PHF14: variants seen among roughly 807,000 people sequenced by gnomAD.
PHF14 encodes PHD finger protein 14.
In PHF14, 55 loss-of-function variants were observed where a neutral mutation model predicts 117.9. The observed-to-expected ratio is 0.47, with a 90% CI of 0.38 to 0.58. The LOEUF is 0.58. PHF14 is among the 20% of genes least tolerant of loss of function. PHF14 has a pLI of 0.00. For missense variants in PHF14, 978 were observed against 1,122.2 expected, an observed-to-expected ratio of 0.87 and a Z score of 1.84; for synonymous variants, 409 against 368.6, an observed-to-expected ratio of 1.11 and a Z score of -1.26.
intron 17 of PHF14, among the ~76,000 whole-genome samples, chr7:11,128,830 G>GT (rs1294966125): frequency 6.7e-6 from 1 of 150,176 alleles, no homozygotes; most frequent in Admixed American, 6.7e-5. Context: ...ATATCATCAG[G>GT]TTTTTTTTCT....
intron 3 of PHF14, among the ~76,000 whole-genome samples, chr7:10,987,342 T>C (rs1681312): frequency 0.35 from 53,172 of 151,946 alleles, 10,299 homozygotes; most frequent in Middle Eastern, 0.47. Context: ...ACAGGAAATG[T>C]GCTGGAATTT....
intron 17 of PHF14, among the ~76,000 whole-genome samples, chr7:11,131,194 C>G (rs907294864): frequency 3.3e-5 from 5 of 151,740 alleles, no homozygotes; most frequent in Admixed American, 2.0e-4. Flanking sequence ...CAGGAAATAC[C>G]AAGGAGTTCC....
intron 16 of PHF14, chr7:11,102,928 G>A (rs1392081475): frequency 1.9e-6 from 2 of 1,050,296 alleles, no homozygotes; most frequent in East Asian, 7.4e-5. Context: ...ACTGAAGCCT[G>A]TGGGACTTAA....
intron 16 of PHF14, among the ~76,000 whole-genome samples, chr7:11,074,507 G>A (rs1785753111): frequency 6.6e-6 from 1 of 152,116 alleles, no homozygotes; most frequent in Admixed American, 6.5e-5. Flanking sequence ...ACCGTGCCTG[G>A]CCCCGTTAGT....
rs1002818123 is a variant in PHF14 at position 11,025,560 on chromosome 7, G to C, written c.1317+2581G>C. Among the ~76,000 whole-genome samples, 6 of 152,256 alleles carry C rather than the reference G, an allele frequency of 3.9e-5. No homozygotes were observed. In the South Asian group the frequency reaches 1.2e-3, roughly 32 times the overall value. ...TGTAATCCCAGCACTTTGGGAGGCCGAGGTGGGTGGATCACGAGATCAGGA... is the reference window on the plus strand; with the variant it reads ...TGTAATCCCAGCACTTTGGGAGGCCCAGGTGGGTGGATCACGAGATCAGGA... On this transcript the variant is annotated intron_variant, in intron 6 of 17. Transcript: ENST00000634607.
intron 9 of PHF14, 50 bp downstream of exon 9, chr7:11,036,738 A>G: frequency 6.6e-7 from 1 of 1,517,014 alleles, no homozygotes; most frequent in Non-Finnish European, 9.0e-7. Context: ...ACAATTTGTT[A>G]ATGAAAATGT....
intron 16 of PHF14, among the ~76,000 whole-genome samples, chr7:11,084,156 T>G (rs566263835): frequency 6.6e-6 from 1 of 152,332 alleles, no homozygotes; most frequent in Admixed American, 6.5e-5. Flanking sequence ...ACTATTTGTT[T>G]AAAATAGAGT....
At position 10,974,962 on chromosome 7, in the gene PHF14, C is replaced by G. The variant is rs374488424; in HGVS notation, c.112+17C>G. ...ATGCCTCAGGTAAATATTTCCTTCTCTCTTCCCCTTTCCCAGCTTTCTGGA... is the reference window on the plus strand; with the variant it reads ...ATGCCTCAGGTAAATATTTCCTTCTGTCTTCCCCTTTCCCAGCTTTCTGGA... On this transcript the variant is annotated intron_variant, in intron 2 of 17. Transcript: ENST00000634607. The G allele has an allele frequency of 1.5e-5, 18 of 1,213,610 alleles. No individual in the cohort carries two copies. The highest frequency in any genetic ancestry group is 3.0e-5 in the African/African-American group (2 of 66,686). 75.2% of individuals were successfully genotyped at this position (1,213,610 alleles called of 1,614,324 possible). A position where few individuals can be genotyped will look rare whatever the true frequency, so the allele number is the denominator to read the frequency against.
At chr7:11,051,478 A>C (rs554563349) in intron 13 of PHF14, 134 bp from the exon 14 acceptor site, 2 of 653,184 alleles carry the variant, frequency 3.1e-6, no homozygotes. Flanking sequence ...TTCATTATGT[A>C]CCCTATAATC....
At chr7:10,993,687 G>A (rs1782537008) in intron 4 of PHF14, among the ~76,000 whole-genome samples, 1 of 152,132 alleles carries the variant, frequency 6.6e-6, no homozygotes, top group East Asian at 1.9e-4. Flanking sequence ...GGGTGGTTGG[G>A]TGAGTTGCAG....
At chr7:11,081,747 T>G (rs962808857) in intron 16 of PHF14, among the ~76,000 whole-genome samples, 2 of 151,928 alleles carry the variant, frequency 1.3e-5, no homozygotes, top group East Asian at 3.9e-4. Context: ...TCCCAGCTAC[T>G]TGGGAGGCTG....
chr7:11,017,938 T>C (rs1311664051), intron 5 of PHF14, among the ~76,000 whole-genome samples: 1 of 152,172 alleles, frequency 6.6e-6, no homozygotes, highest in African/African-American at 2.4e-5. Context: ...TTGATTTTTG[T>C]ATATGGCAAG....
At chr7:11,076,444 T>C (rs1197743719) in intron 16 of PHF14, among the ~76,000 whole-genome samples, 1 of 152,162 alleles carries the variant, frequency 6.6e-6, no homozygotes, top group Non-Finnish European at 1.5e-5. Flanking sequence ...TAAAATGTAC[T>C]GTCTGCTTTT....
At chr7:11,118,643 C>T (rs1583479894) in intron 17 of PHF14, among the ~76,000 whole-genome samples, 2 of 151,626 alleles carry the variant, frequency 1.3e-5, no homozygotes, top group African/African-American at 4.8e-5. Context: ...TTGTCCTAGA[C>T]GTGTTTTCTG....
chr7:11,051,786 T>A lies in PHF14; in HGVS notation c.2481+6T>A. 5 of 1,611,178 alleles carry A rather than the reference T, an allele frequency of 3.1e-6. No individual in the cohort carries two copies. Among genetic ancestry groups the A allele is most frequent in the Non-Finnish European group, 4.2e-6 (5 of 1,178,190 alleles). ...AGATTCCGATAAGAAACACGGTAGT[T>A]TATTTTTTATTTATCATAAGCATCA... On this transcript the variant is annotated splice_donor_region_variant and intron_variant, in intron 14 of 17. Transcript: ENST00000634607.
At chr7:11,046,112 G>T (rs1346803296) in intron 13 of PHF14, among the ~76,000 whole-genome samples, 2 of 151,968 alleles carry the variant, frequency 1.3e-5, no homozygotes, top group Non-Finnish European at 2.9e-5. Context: ...GTTCTATTTT[G>T]TTTGTACCTC....
chr7:10,985,379 T>C (rs1244894649), intron 3 of PHF14, among the ~76,000 whole-genome samples: 1 of 152,114 alleles, frequency 6.6e-6, no homozygotes, highest in Non-Finnish European at 1.5e-5. Context: ...AATGTAGCTT[T>C]AGAAATACAT....
At chr7:11,114,065 AG>A (rs1787524498) in intron 17 of PHF14, among the ~76,000 whole-genome samples, 1 of 152,166 alleles carries the variant, frequency 6.6e-6, no homozygotes, top group Non-Finnish European at 1.5e-5. Flanking sequence ...GAAAAGCTAA[AG>A]GAGAAATACT....
intron 16 of PHF14, chr7:11,111,076 A>G (rs951044789): frequency 7.2e-6 from 2 of 278,342 alleles, no homozygotes; most frequent in African/African-American, 4.4e-5. Flanking sequence ...ATATACGTTC[A>G]TTCATATGCT....
Sources: allele counts gnomAD v4.1 joint callset (sites outside exome capture counted in the v4.1 genomes callset), GRCh38; gene constraint gnomAD v4.1.1; transcripts MANE v1.5; gene names NCBI Gene and HGNC (gene_info 2026-07-23, HGNC 2026-07-21).